Variants in TRIQK observed in about 807,000 individuals in gnomAD.
TRIQK encodes the protein triple QxxK/R motif-containing protein.
Under a neutral mutation model 10.8 loss-of-function variants are expected in TRIQK, and 10 were observed. The ratio of observed to expected loss-of-function variants is 0.92; its 90% confidence interval spans 0.57 to 1.57. The LOEUF (loss-of-function observed/expected upper bound fraction) is 1.57, where lower values mean the gene tolerates loss of function less well. Among genes scored for constraint, TRIQK ranks in the 40% most tolerant of loss-of-function variants. TRIQK has a pLI of 0.00. For synonymous variants in TRIQK, 33 were observed against 33.7 expected (o/e 0.98, Z 0.07); for missense variants, 107 against 97.7 (o/e 1.09, Z -0.40).
chr8:92,974,206 CT>C (rs1167353889), intron 1 of TRIQK: 1 of 152,318 alleles, frequency 6.6e-6, no homozygotes, highest in East Asian at 1.9e-4. Flanking sequence ...ACAAACAGCA[CT>C]TCTACATCTA....
intron 3 of TRIQK, among the ~76,000 whole-genome samples, chr8:92,898,475 T>C (rs1808726039): frequency 6.6e-6 from 1 of 152,140 alleles, no homozygotes; most frequent in Non-Finnish European, 1.5e-5. Flanking sequence ...TTTAAGATTT[T>C]AGTTAATTTT....
At chr8:92,976,743 G>A (rs1812934852) in intron 1 of TRIQK, among the ~76,000 whole-genome samples, 1 of 151,750 alleles carries the variant, frequency 6.6e-6, no homozygotes, top group African/African-American at 2.4e-5. Context: ...TGGAATTATA[G>A]AATACTTTTA....
chr8:92,885,766 T>C lies in TRIQK; in HGVS notation c.*856A>G, dbSNP rs1277970584. The stretch of plus-strand genomic sequence containing the variant: ...AGATTTAGGAGACAACCTAAGAAGA[T>C]GATTCTGAGTAGGTAGGATTTTTGC... On this transcript the variant is annotated 3_prime_UTR_variant, in exon 5 of 5. Coordinates refer to ENST00000521988, the MANE Select transcript of TRIQK (RefSeq NM_001171797.2). 1.3e-5 allele frequency: 2 copies of C among 151,700 alleles called. No homozygotes were observed. Among genetic ancestry groups the C allele is most frequent in the African/African-American group, 2.4e-5 (1 of 41,386 alleles). 9.4% of individuals were successfully genotyped at this position (151,700 alleles called of 1,614,324 possible). A position where few individuals can be genotyped will look rare whatever the true frequency, so the allele number is the denominator to read the frequency against.
At chr8:92,941,854 T>C (rs1427948842) in intron 2 of TRIQK, among the ~76,000 whole-genome samples, 1 of 152,030 alleles carries the variant, frequency 6.6e-6, no homozygotes, top group Non-Finnish European at 1.5e-5. Context: ...ACTAGAAACA[T>C]GCAACCTACC....
chr8:92,992,011 A>T (rs1274105429), intron 1 of TRIQK, among the ~76,000 whole-genome samples: 1 of 152,164 alleles, frequency 6.6e-6, no homozygotes, highest in Non-Finnish European at 1.5e-5. Flanking sequence ...AAGAGGACAC[A>T]AACAAATGGA....
At chr8:92,949,786 GA>G (rs1554605422) in intron 2 of TRIQK, among the ~76,000 whole-genome samples, 1 of 10,532 alleles carries the variant, frequency 9.5e-5, no homozygotes. Flanking sequence ...GAAAGAAAAA[GA>G]AAGAAAGAAA....
At chr8:92,915,827 T>C (rs1206489775) in intron 3 of TRIQK, among the ~76,000 whole-genome samples, 1 of 152,108 alleles carries the variant, frequency 6.6e-6, no homozygotes, top group African/African-American at 2.4e-5. Flanking sequence ...TAATTGGCTA[T>C]ATGTATTCCA....
At chr8:92,887,442 TA>T (rs965865211) in intron 4 of TRIQK, among the ~76,000 whole-genome samples, 5 of 151,476 alleles carry the variant, frequency 3.3e-5, no homozygotes, top group South Asian at 2.1e-4. Flanking sequence ...GTAATAATGA[TA>T]AAAAATTTAC....
At chr8:92,898,454 C>G (rs890923217) in intron 3 of TRIQK, among the ~76,000 whole-genome samples, 2 of 152,190 alleles carry the variant, frequency 1.3e-5, no homozygotes, top group South Asian at 4.2e-4. Context: ...AATAAACACT[C>G]CTTAGATGGT....
In TRIQK at chr8:92,887,265, G is replaced by C. The variant is rs1446642230; in HGVS notation, c.148-530C>G. On this transcript the variant is annotated intron_variant, in intron 4 of 4. Coordinates refer to ENST00000521988, the MANE Select transcript of TRIQK (RefSeq NM_001171797.2). The stretch of plus-strand genomic sequence containing the variant: ...CATACTCATTAAATGTGACTTTGTT[G>C]AAACTCTAATTTTTAAATCCTAAAG... Among the ~76,000 whole-genome samples the C allele has an allele frequency of 6.6e-5, 10 of 150,940 alleles. No individual in the cohort carries two copies. In the East Asian group the frequency reaches 1.6e-3, roughly 24 times the overall value.
At chr8:92,924,850 T>G (rs751379512) in intron 2 of TRIQK, among the ~76,000 whole-genome samples, 5 of 152,066 alleles carry the variant, frequency 3.3e-5, no homozygotes, top group Non-Finnish European at 4.4e-5. Flanking sequence ...AAATTCGTAC[T>G]GTATAAAACT....
chr8:92,938,508 T>G (rs1368065411), intron 2 of TRIQK, among the ~76,000 whole-genome samples: 1 of 152,086 alleles, frequency 6.6e-6, no homozygotes, highest in Non-Finnish European at 1.5e-5. Flanking sequence ...CAGACTTCTC[T>G]GAGCTTCTTA....
intron 3 of TRIQK, among the ~76,000 whole-genome samples, chr8:92,909,011 T>C (rs1483842083): frequency 6.6e-6 from 1 of 151,914 alleles, no homozygotes; most frequent in Admixed American, 6.6e-5. Flanking sequence ...GTAACACAAT[T>C]TGTCATATAA....
intron 3 of TRIQK, among the ~76,000 whole-genome samples, chr8:92,907,661 T>C (rs1809347097): frequency 6.6e-6 from 1 of 152,172 alleles, no homozygotes; most frequent in African/African-American, 2.4e-5. Context: ...AGACAATCTG[T>C]AGTGTCAGCT....
At chr8:92,968,882 A>G (rs551573278), upstream of TRIQK, among the ~76,000 whole-genome samples, 1 of 152,134 alleles carries the variant, frequency 6.6e-6, no homozygotes, top group African/African-American at 2.4e-5. Context: ...GCCCATGCTT[A>G]TGTCCCGAAT....
At chr8:92,908,194 A>G (rs1809379679) in intron 3 of TRIQK, among the ~76,000 whole-genome samples, 1 of 152,104 alleles carries the variant, frequency 6.6e-6, no homozygotes, top group African/African-American at 2.4e-5. Context: ...CAAGCTCATT[A>G]TCACGTGAAT....
chr8:92,981,099 A>G (rs1812981461), intron 1 of TRIQK, among the ~76,000 whole-genome samples: 1 of 151,816 alleles, frequency 6.6e-6, no homozygotes, highest in African/African-American at 2.4e-5. Context: ...TCTTCTTAAT[A>G]AATTATTATT....
intron 2 of TRIQK, among the ~76,000 whole-genome samples, chr8:92,920,966 C>CA (rs1447623929): frequency 6.6e-6 from 1 of 151,430 alleles, no homozygotes. Flanking sequence ...GAAGAATGGA[C>CA]AAAAAGACCA....
intron 3 of TRIQK, among the ~76,000 whole-genome samples, chr8:92,914,130 T>C (rs1244041509): frequency 2.0e-5 from 3 of 152,054 alleles, no homozygotes; most frequent in African/African-American, 7.2e-5. Flanking sequence ...AAAAATAAAA[T>C]TCAGCACCAT....
Sources: gnomAD v4.1 joint callset for allele counts (sites outside exome capture counted in the v4.1 genomes callset) on GRCh38, gnomAD v4.1.1 for gene constraint, MANE v1.5 for transcripts, NCBI Gene and HGNC (gene_info 2026-07-23, HGNC 2026-07-21) for gene names.